Variants in EIF2AK1 observed in about 807,000 individuals in gnomAD.
EIF2AK1 encodes eukaryotic translation initiation factor 2 alpha kinase 1.
A neutral mutation model predicts 77.9 loss-of-function variants in EIF2AK1; 54 were observed. The ratio of observed to expected loss-of-function variants is 0.69; its 90% CI spans 0.56 to 0.87. The LOEUF is 0.87. Ranked by LOEUF, EIF2AK1 falls within the 40% of genes least tolerant of loss-of-function variation. EIF2AK1 has a pLI of 0.00. For missense variants in EIF2AK1, 810 were observed against 768.6 expected (o/e 1.05, Z -0.64); for synonymous variants, 314 against 290.5 (o/e 1.08, Z -0.82).
At chr7:6,028,862 T>A in intron 12 of EIF2AK1, 56 bp downstream of exon 12, 1 of 1,489,208 alleles carries the variant, frequency 6.7e-7, no homozygotes, top group Admixed American at 1.9e-5. Flanking sequence ...AATACTAACA[T>A]GTGCAACCAT....
At chr7:6,026,561 C>A in intron 14 of EIF2AK1, 167 bp downstream of exon 14, 1 of 717,972 alleles carries the variant, frequency 1.4e-6, no homozygotes, top group Non-Finnish European at 2.6e-6. Flanking sequence ...GCACACCCTG[C>A]AGCTGAGTGC....
intron 2 of EIF2AK1, among the ~76,000 whole-genome samples, chr7:6,050,566 C>T (rs946686300): frequency 2.0e-5 from 3 of 150,960 alleles, no homozygotes; most frequent in African/African-American, 7.3e-5. Flanking sequence ...ACAACTAGTA[C>T]ACTCATTCAT....
intron 9 of EIF2AK1, among the ~76,000 whole-genome samples, chr7:6,040,346 C>T (rs1788260873): frequency 6.6e-6 from 1 of 152,166 alleles, no homozygotes; most frequent in African/African-American, 2.4e-5. Context: ...AGCCACCACA[C>T]CCGGCCTAAT....
chr7:6,024,636 A>G lies in EIF2AK1; in HGVS notation c.*37T>C. The G allele has an allele frequency of 6.2e-7, 1 of 1,613,250 alleles. No individual in the cohort carries two copies. On this transcript the variant is annotated 3_prime_UTR_variant, in exon 15 of 15. Coordinates refer to ENST00000199389, the MANE Select transcript of EIF2AK1 (RefSeq NM_014413.4). ...ATACCCTAATAAAGATTAAAAATTTACATTCCAGTTAACTACCTTAAAAGT... is the reference window on the plus strand; with the variant it reads ...ATACCCTAATAAAGATTAAAAATTTGCATTCCAGTTAACTACCTTAAAAGT...
intron 13 of EIF2AK1, 86 bp downstream of exon 13, chr7:6,028,529 G>C (rs963969761): frequency 3.7e-6 from 5 of 1,360,800 alleles, no homozygotes; most frequent in Non-Finnish European, 5.2e-6. Context: ...TGGGATTACA[G>C]GCGTGAGCCA....
chr7:6,056,613 A>AAATATATATATATATATATATATAT, intron 1 of EIF2AK1, among the ~76,000 whole-genome samples: 2 of 43,736 alleles, frequency 4.6e-5, no homozygotes, highest in African/African-American at 1.6e-4. Context: ...AAAAAAAAAA[A>AAATATATATATATATATATATATAT]ATATATATAT....
intron 13 of EIF2AK1, among the ~76,000 whole-genome samples, chr7:6,028,311 G>GTGCAACCTCGGCTCAC (rs1460867749): frequency 2.0e-5 from 3 of 151,260 alleles, no homozygotes; most frequent in African/African-American, 4.9e-5. Flanking sequence ...GAGTGCAATG[G>GTGCAACCTCGGCTCAC]TGCAACCTCG....
chr7:6,035,882 C>T lies in EIF2AK1; in HGVS notation c.1332+1542G>A. On this transcript the variant is annotated intron_variant, in intron 11 of 14. Transcript: ENST00000199389. This position sits in a 1 kb window ranked among gnomAD's most constrained non-coding sequence, Gnocchi z 5.5. ...TGTGCACTGCATCAAGCAAAGCAGG[C>T]CGACTCCTCGGGGCGGGGGTCAGCT... is the stretch of plus-strand genomic sequence containing the variant. 1 of 1,546,686 alleles carries T rather than the reference C, an allele frequency of 6.5e-7. No individual in the cohort carries two copies.
At position 6,027,333 on chromosome 7, in the gene EIF2AK1, C is replaced by T. The variant is rs1462437302; in HGVS notation, c.1531-372G>A. Among the ~76,000 whole-genome samples, 6 of 152,296 alleles carry T rather than the reference C, an allele frequency of 3.9e-5. No homozygotes were observed. Among genetic ancestry groups the T allele is most frequent in the East Asian group, 1.9e-4 (1 of 5,176 alleles). ...CCACAGAAGGTCGCGGGTTCTCCTC[C>T]GGTCTCACCTCTGCCTCCACTCATT... On this transcript the variant is annotated intron_variant, in intron 13 of 14. Coordinates refer to ENST00000199389, the MANE Select transcript of EIF2AK1 (RefSeq NM_014413.4). This position sits in a 1 kb window ranked among gnomAD's most constrained non-coding sequence, Gnocchi z 4.5.
chr7:6,029,058 TC>T (rs747681433), intron 11 of EIF2AK1, 26 bp from the exon 12 acceptor site: 12 of 1,543,502 alleles, frequency 7.8e-6, no homozygotes, highest in Middle Eastern at 1.7e-4. Flanking sequence ...ACAAGTCAAC[TC>T]CTTGGCTTTC....
At chr7:6,026,242 C>T (rs567755599) in intron 14 of EIF2AK1, among the ~76,000 whole-genome samples, 18 of 152,320 alleles carry the variant, frequency 1.2e-4, no homozygotes, top group African/African-American at 3.8e-4. Flanking sequence ...CCACCACTTC[C>T]GGGGTCACCA....
chr7:6,048,899 G>A, intron 3 of EIF2AK1, 55 bp from the exon 4 acceptor site: 1 of 1,304,532 alleles, frequency 7.7e-7, no homozygotes, highest in African/African-American at 1.5e-5. Flanking sequence ...ATGGAATAAA[G>A]AACCTATCAA....
At position 6,024,435 on chromosome 7, in the gene EIF2AK1, G is replaced by T; in HGVS notation, c.*238C>A. Reference sequence around the variant, plus strand: ...AGAGTTGAAAGGAGAAAATAATTGAGGATGAGGTCCAAGTTTTTAGTTTCA... The same window carrying T: ...AGAGTTGAAAGGAGAAAATAATTGATGATGAGGTCCAAGTTTTTAGTTTCA... On this transcript the variant is annotated 3_prime_UTR_variant, in exon 15 of 15. Transcript: ENST00000199389. 1 of 1,376,724 alleles carries T rather than the reference G, an allele frequency of 7.3e-7. No individual in the cohort carries two copies. 85.3% of individuals were successfully genotyped at this position (1,376,724 alleles called of 1,614,324 possible). A position where few individuals can be genotyped will look rare whatever the true frequency, so the allele number is the denominator to read the frequency against.
Position 6,049,945 on chromosome 7 carries a change from G to C in EIF2AK1, c.378C>G (p.His126Gln). The C allele has an allele frequency of 6.2e-7, 1 of 1,612,598 alleles. No homozygotes were observed. The highest frequency in any genetic ancestry group is 8.5e-7 in the Non-Finnish European group (1 of 1,179,638). The change falls in exon 3 of 15, where the codon CAC (histidine) becomes CAG (glutamine). Residue 126 changes from histidine to glutamine, a missense_variant. His to Gln is a conservative substitution (Grantham distance 24). This residue lies in a region of EIF2AK1 where 246 missense variants were observed against 199.0 expected (regional missense o/e 1.24). Transcript: ENST00000199389. ...LRLHHNRAIT[H>Q]LMRSAKERVR... ...CTCTCTCTTTAGCAGACCTCATTAA[G>C]TGAGTAATAGCTCTGTTGTGATGTA...
rs1177745638 is a variant in EIF2AK1, at chr7:6,036,167, C to T, written c.1332+1257G>A. ...CTTATCCTCTGAGAATGACCAATAA[C>T]CAAGGAATTCTACCTGCAGGAATCA... On this transcript the variant is annotated intron_variant, in intron 11 of 14. Transcript: ENST00000199389. This position sits in a 1 kb window ranked among gnomAD's most constrained non-coding sequence, Gnocchi z 4.6. 6.5e-7 allele frequency: 1 copy of T among 1,549,842 alleles called. No individual in the cohort carries two copies. Among genetic ancestry groups the T allele is most frequent in the Non-Finnish European group, 8.7e-7 (1 of 1,146,598 alleles).
In EIF2AK1 at chr7:6,048,819, A is replaced by G; in HGVS notation, c.437T>C (p.Ile146Thr). The change falls in exon 4 of 15, where the codon ATC becomes ACC. Residue 146 changes from isoleucine (I) to threonine (T), a missense_variant. Ile to Thr is a moderately conservative substitution (Grantham distance 89). This residue lies in a region of EIF2AK1 where 246 missense variants were observed against 199.0 expected (regional missense o/e 1.24). Coordinates refer to ENST00000199389, the MANE Select transcript of EIF2AK1 (RefSeq NM_014413.4). ...RQDPCEDISR[I>T]QKIRSREVAL... ...TTTTCACACATACCTGATTTTCTGG[A>G]TACGAGAAATATCCTCACAAGGATC... is the stretch of plus-strand genomic sequence containing the variant. 1.3e-6 allele frequency: 2 copies of G among 1,586,010 alleles called. No homozygotes were observed. Among genetic ancestry groups the G allele is most frequent in the Non-Finnish European group, 1.7e-6 (2 of 1,172,104 alleles).
chr7:6,058,948 C>A lies in EIF2AK1; in HGVS notation c.118+18G>T, dbSNP rs2128452969. ...GACAGAGAGAGCAGAGCGGCGACGC[C>A]GCGATCCGATCCCTCACCGTCATAT... On this transcript the variant is annotated intron_variant, in intron 1 of 14. Coordinates refer to ENST00000199389, the MANE Select transcript of EIF2AK1 (RefSeq NM_014413.4). 6.6e-7 allele frequency: 1 copy of A among 1,509,712 alleles called. No individual in the cohort carries two copies. The highest frequency in any genetic ancestry group is 8.9e-7 in the Non-Finnish European group (1 of 1,129,296). 93.5% of individuals were successfully genotyped at this position (1,509,712 alleles called of 1,614,324 possible).
chr7:6,047,996 G>A lies in EIF2AK1; in HGVS notation c.449+811C>T, dbSNP rs1788494821. On this transcript the variant is annotated intron_variant, in intron 4 of 14. Transcript: ENST00000199389. The stretch of plus-strand genomic sequence containing the variant: ...CTTGCCTCAGCCTCCCAAGTAGCTG[G>A]GACTGGGTATGCACCACCATAAGCA... 4 of 152,128 alleles carry A rather than the reference G, an allele frequency of 2.6e-5. No individual in the cohort carries two copies. The South Asian group carries it at 8.3e-4, about 32-fold the overall frequency. The allele number at this position is 152,128 out of a possible 1,614,324, so 9.4% of individuals were successfully genotyped here.
intron 9 of EIF2AK1, 56 bp from the exon 10 acceptor site, chr7:6,038,727 A>G: frequency 6.9e-7 from 1 of 1,445,092 alleles, no homozygotes; most frequent in Non-Finnish European, 9.5e-7. Context: ...CGCATTATTC[A>G]TTTAGCCAAC....
Sources: allele counts gnomAD v4.1 joint callset (sites outside exome capture counted in the v4.1 genomes callset), GRCh38; gene constraint gnomAD v4.1.1; regional missense constraint gnomAD v4.1.1; non-coding constraint Gnocchi (gnomAD v3.1); transcripts MANE v1.5; gene names NCBI Gene and HGNC (gene_info 2026-07-23, HGNC 2026-07-21).